The following EDIL3 variants were observed in gnomAD, a reference collection of about 807,000 sequenced individuals.
EDIL3 encodes the protein EGF like and discoidin domains 3.
In EDIL3, 37 loss-of-function variants were observed where a neutral mutation model predicts 67.4. That is an observed-to-expected ratio of 0.55 (90% CI 0.42 to 0.72). EDIL3 has a LOEUF of 0.72. Ranked by LOEUF, EDIL3 falls within the 30% of genes least tolerant of loss-of-function variation. The probability of loss-of-function intolerance (pLI) is 0.00; values close to 1 mark genes in which losing one functional copy is unlikely to be tolerated. For synonymous variants in EDIL3, 195 were observed against 196.3 expected (o/e 0.99, Z 0.05); for missense variants, 527 against 586.3 (o/e 0.90, Z 1.04).
At chr5:84,047,406 G>C (rs745489584) in intron 9 of EDIL3, among the ~76,000 whole-genome samples, 1 of 152,058 alleles carries the variant, frequency 6.6e-6, no homozygotes, top group Non-Finnish European at 1.5e-5. Context: ...AATTAGAAGG[G>C]ATGGAAAGGT....
intron 6 of EDIL3, 147 bp downstream of exon 6, chr5:84,106,502 G>T: frequency 1.1e-6 from 1 of 895,580 alleles, no homozygotes; most frequent in East Asian, 2.8e-5. Flanking sequence ...TCAGAATTGG[G>T]AGCTAATTTG....
At chr5:84,002,202 C>T (rs76139744) in intron 9 of EDIL3, among the ~76,000 whole-genome samples, 3,218 of 152,098 alleles carry the variant, frequency 0.021, 114 homozygotes, top group African/African-American at 0.074. Context: ...TCAATTAATG[C>T]TAAAAAGGTA....
intron 9 of EDIL3, among the ~76,000 whole-genome samples, chr5:83,971,130 T>C (rs1744784306): frequency 6.6e-6 from 1 of 151,836 alleles, no homozygotes; most frequent in Non-Finnish European, 1.5e-5. Context: ...TTTTTGGTAA[T>C]GCAATTTTAA....
intron 6 of EDIL3, among the ~76,000 whole-genome samples, chr5:84,067,685 T>G (rs1171483414): frequency 6.6e-6 from 1 of 152,184 alleles, no homozygotes; most frequent in Non-Finnish European, 1.5e-5. Context: ...TTTGAAATGG[T>G]CCACGGTGTG....
At chr5:84,270,239 A>T (rs373790577) in intron 1 of EDIL3, among the ~76,000 whole-genome samples, 3 of 152,202 alleles carry the variant, frequency 2.0e-5, no homozygotes, top group Non-Finnish European at 2.9e-5. Flanking sequence ...AGCAGAAATG[A>T]TAACTACTAA....
intron 1 of EDIL3, among the ~76,000 whole-genome samples, chr5:84,332,233 A>C (rs1186193104): frequency 6.6e-6 from 1 of 152,158 alleles, no homozygotes; most frequent in African/African-American, 2.4e-5. Context: ...TTAGCCAGGC[A>C]TGGTGGCACA....
chr5:84,074,378 C>T (rs4554189), intron 6 of EDIL3, among the ~76,000 whole-genome samples: 45,057 of 151,962 alleles, frequency 0.3, 6,855 homozygotes, highest in African/African-American at 0.36. Flanking sequence ...AGCTTCTGCA[C>T]AGCAAAAGAA....
At chr5:84,095,240 T>C (rs1747242676) in intron 6 of EDIL3, among the ~76,000 whole-genome samples, 1 of 152,082 alleles carries the variant, frequency 6.6e-6, no homozygotes, top group Non-Finnish European at 1.5e-5. Context: ...TTTTACCAAG[T>C]GTAAATTGGT....
Position 84,141,479 on chromosome 5 carries a change from T to C in EDIL3, c.356-4125A>G, listed in dbSNP as rs532299918. ...CATATATATGAAATTATGAAATATA[T>C]ATTTCATAATTATATATATTATATA... On this transcript the variant is annotated intron_variant, in intron 4 of 10. Transcript: ENST00000296591. 1.4e-3 allele frequency among the ~76,000 whole-genome samples: 210 copies of C among 146,986 alleles called. 3 individuals are homozygous for C. The highest frequency in any genetic ancestry group is 4.8e-3 in the African/African-American group (196 of 40,586).
intron 6 of EDIL3, among the ~76,000 whole-genome samples, chr5:84,091,695 G>A (rs183708226): frequency 6.6e-6 from 1 of 152,298 alleles, no homozygotes; most frequent in East Asian, 1.9e-4. Flanking sequence ...TAAACATGAA[G>A]AGACAACGAA....
chr5:84,114,130 G>T, intron 5 of EDIL3, among the ~76,000 whole-genome samples: 1 of 147,938 alleles, frequency 6.8e-6, no homozygotes, highest in Non-Finnish European at 1.5e-5. Flanking sequence ...TGGCCTGAGG[G>T]TTTAAAGGAA....
intron 1 of EDIL3, among the ~76,000 whole-genome samples, chr5:84,333,667 A>G (rs1447306151): frequency 6.6e-6 from 1 of 152,200 alleles, no homozygotes; most frequent in Admixed American, 6.5e-5. Context: ...CTTAAAGTAA[A>G]TTAATAATCA....
rs547806696 is a variant in EDIL3 at position 84,178,636 on chromosome 5, C to T, written c.355+1757G>A. 8.9e-4 allele frequency among the ~76,000 whole-genome samples: 135 copies of T among 152,278 alleles called. 1 individual carries two copies. Among genetic ancestry groups the T allele is most frequent in the Middle Eastern group, 6.8e-3 (2 of 294 alleles). ...CAGTTCAATTATCCAATTTGTACGT[C>T]TAAAAATCACAGAGAGATCAAATGA... On this transcript the variant is annotated intron_variant, in intron 4 of 10. Coordinates refer to ENST00000296591, the MANE Select transcript of EDIL3 (RefSeq NM_005711.5).
intron 1 of EDIL3, among the ~76,000 whole-genome samples, chr5:84,342,123 T>C (rs547753116): frequency 6.6e-6 from 1 of 152,164 alleles, no homozygotes; most frequent in African/African-American, 2.4e-5. Context: ...CATCAATGGA[T>C]AACTGGATAA....
chr5:84,227,743 A>T (rs1744483064), intron 3 of EDIL3, among the ~76,000 whole-genome samples: 2 of 152,164 alleles, frequency 1.3e-5, no homozygotes, highest in Non-Finnish European at 2.9e-5. Flanking sequence ...ATATACAGTC[A>T]TGAAAAAGAA....
At chr5:84,276,113 C>G (rs1561242741) in intron 1 of EDIL3, among the ~76,000 whole-genome samples, 1 of 152,142 alleles carries the variant, frequency 6.6e-6, no homozygotes. Flanking sequence ...TTCCTACACA[C>G]CTTTCTGGGT....
intron 8 of EDIL3, among the ~76,000 whole-genome samples, chr5:84,063,772 G>C (rs986225529): frequency 6.6e-6 from 1 of 152,054 alleles, no homozygotes; most frequent in Non-Finnish European, 1.5e-5. Context: ...TTTAGATTTG[G>C]TAAAGGTTTT....
At chr5:84,154,802 C>G (rs1009930724) in intron 4 of EDIL3, among the ~76,000 whole-genome samples, 1 of 149,838 alleles carries the variant, frequency 6.7e-6, no homozygotes, top group Admixed American at 6.7e-5. Context: ...CAGGTTCAAG[C>G]GATTCTCCTG....
At chr5:84,293,565 T>C (rs1206815001) in intron 1 of EDIL3, among the ~76,000 whole-genome samples, 2 of 152,038 alleles carry the variant, frequency 1.3e-5, no homozygotes, top group Admixed American at 6.5e-5. Context: ...CATCCGCATG[T>C]GTCCCAGTTA....
Sources: allele counts gnomAD v4.1 joint callset (sites outside exome capture counted in the v4.1 genomes callset), GRCh38; gene constraint gnomAD v4.1.1; transcripts MANE v1.5; gene names NCBI Gene and HGNC (gene_info 2026-07-23, HGNC 2026-07-21).